The following DOCK1 variants were observed in gnomAD, a reference collection of about 807,000 sequenced individuals.
DOCK1 encodes dedicator of cytokinesis 1, also known as dedicator of cytokinesis protein 1.
A neutral mutation model predicts 262.7 loss-of-function variants in DOCK1; 138 were observed. The observed-to-expected ratio is 0.53, with a 90% CI of 0.46 to 0.61. The LOEUF (loss-of-function observed/expected upper bound fraction) is 0.61, where lower values mean the gene tolerates loss of function less well. Ranked by LOEUF, DOCK1 falls within the 20% of genes least tolerant of loss-of-function variation. The probability of loss-of-function intolerance (pLI) is 0.00; values close to 1 mark genes in which losing one functional copy is unlikely to be tolerated. For missense variants in DOCK1, 1,908 were observed against 2,370.7 expected (o/e 0.80, Z 4.05); for synonymous variants, 866 against 867.4 (o/e 1.00, Z 0.03).
chr10:127,216,760 T>C (rs531934470), intron 27 of DOCK1, among the ~76,000 whole-genome samples: 1 of 152,334 alleles, frequency 6.6e-6, no homozygotes, highest in East Asian at 1.9e-4. Flanking sequence ...CCTTGTCTCA[T>C]GACTTTTCAA....
chr10:127,071,705 A>C (rs1266193368), intron 23 of DOCK1, among the ~76,000 whole-genome samples: 1 of 152,214 alleles, frequency 6.6e-6, no homozygotes, highest in Non-Finnish European at 1.5e-5. Flanking sequence ...TTGCTTAATC[A>C]AATGATTTTT....
At chr10:127,351,032 A>G (rs560523978) in intron 31 of DOCK1, among the ~76,000 whole-genome samples, 1 of 152,278 alleles carries the variant, frequency 6.6e-6, no homozygotes, top group East Asian at 1.9e-4. Context: ...GCTTAGATTC[A>G]GGCTCAGGCT....
chr10:127,180,681 A>G lies in DOCK1; in HGVS notation c.2847+52917A>G, dbSNP rs2055640572. On this transcript the variant is annotated intron_variant, in intron 27 of 51. Transcript: ENST00000623213. The stretch of plus-strand genomic sequence containing the variant: ...TATGAAAATGTGCATTCCAACTTAA[A>G]TAAGTGAAAAATGGAAGCAACTTAA... Among the ~76,000 whole-genome samples, 8 of 152,250 alleles carry G rather than the reference A, an allele frequency of 5.3e-5. No homozygotes were observed. In the South Asian group the frequency reaches 1.4e-3, roughly 28 times the overall value.
intron 1 of DOCK1, among the ~76,000 whole-genome samples, chr10:126,949,295 A>C (rs1417138155): frequency 3.3e-5 from 5 of 152,068 alleles, no homozygotes; most frequent in African/African-American, 4.8e-5. Flanking sequence ...ACAGCCCCTA[A>C]GCTGTCTAGT....
rs183490784 is a variant in DOCK1 at position 127,382,547 on chromosome 10, G to A, written c.3807+1179G>A. On this transcript the variant is annotated intron_variant, in intron 37 of 51. Transcript: ENST00000623213. ...GAGGACCCATTTTGCCCCGTGCCAC[G>A]TGGGCTCTCCCAAGGAGCATAATTT... Among the ~76,000 whole-genome samples the A allele has an allele frequency of 1.6e-4, 24 of 152,262 alleles. 2 individuals carry two copies. Among genetic ancestry groups the A allele is most frequent in the Admixed American group, 1.1e-3 (17 of 15,300 alleles).
intron 4 of DOCK1, among the ~76,000 whole-genome samples, chr10:126,983,760 G>A (rs912800317): frequency 6.6e-6 from 1 of 152,052 alleles, no homozygotes; most frequent in Non-Finnish European, 1.5e-5. Flanking sequence ...CTCTCTGGAC[G>A]CTGACTTCAT....
Position 127,115,822 on chromosome 10 carries a change from G to A in DOCK1, c.2623+5468G>A, listed in dbSNP as rs377200175. On this transcript the variant is annotated intron_variant, in intron 25 of 51. Transcript: ENST00000623213. The stretch of plus-strand genomic sequence containing the variant: ...TTCTCTCACCCACTGGCCCCTTTCT[G>A]AATCTGACAGCTTTGGGAAGCTTGT... Among the ~76,000 whole-genome samples, 8 of 152,328 alleles carry A rather than the reference G, an allele frequency of 5.3e-5. No individual in the cohort carries two copies. In the East Asian group the frequency reaches 9.6e-4, roughly 18 times the overall value.
intron 10 of DOCK1, among the ~76,000 whole-genome samples, chr10:127,006,644 C>G (rs544041346): frequency 9.2e-5 from 14 of 152,202 alleles, no homozygotes; most frequent in Non-Finnish European, 1.8e-4. Context: ...GCCTTCTCCT[C>G]GAGGCTCAGG....
intron 27 of DOCK1, among the ~76,000 whole-genome samples, chr10:127,242,379 G>A (rs370209101): frequency 1.3e-5 from 2 of 152,066 alleles, no homozygotes; most frequent in East Asian, 1.9e-4. Context: ...TTTTCTCACA[G>A]AAAATACCAC....
intron 29 of DOCK1, among the ~76,000 whole-genome samples, chr10:127,262,526 T>C (rs1011454877): frequency 3.3e-5 from 5 of 152,146 alleles, no homozygotes; most frequent in Non-Finnish European, 7.3e-5. Flanking sequence ...ATGCTGCCCT[T>C]TGTGTTGAAT....
At chr10:127,194,639 AC>A (rs2056972251) in intron 27 of DOCK1, among the ~76,000 whole-genome samples, 1 of 152,148 alleles carries the variant, frequency 6.6e-6, no homozygotes, top group South Asian at 2.1e-4. Context: ...TTCATCAAGT[AC>A]CCAGCCAGCG....
chr10:127,246,358 C>T (rs983381139), intron 27 of DOCK1, among the ~76,000 whole-genome samples: 19 of 152,116 alleles, frequency 1.2e-4, no homozygotes, highest in African/African-American at 1.9e-4. Flanking sequence ...TGAAAGAGGT[C>T]GTATTCTATT....
In DOCK1 at chr10:127,451,465, C is replaced by T; in HGVS notation, c.*38C>T. 4 of 1,553,026 alleles carry T rather than the reference C, an allele frequency of 2.6e-6. No homozygotes were observed. The highest frequency in any genetic ancestry group is 3.5e-6 in the Non-Finnish European group (4 of 1,148,536). ...CTCTGGAAAGAGTGTGCTGCCCCTC[C>T]CCATCTCCATGCCCTCTCCTTCTGT... On this transcript the variant is annotated 3_prime_UTR_variant, in exon 52 of 52. Transcript: ENST00000623213.
chr10:127,280,475 A>G (rs975262632), intron 29 of DOCK1, among the ~76,000 whole-genome samples: 1 of 152,106 alleles, frequency 6.6e-6, no homozygotes, highest in African/African-American at 2.4e-5. Flanking sequence ...CATTCACCTC[A>G]TCTTGCATTC....
intron 29 of DOCK1, among the ~76,000 whole-genome samples, chr10:127,278,461 G>T (rs920023175): frequency 6.6e-6 from 1 of 152,140 alleles, no homozygotes; most frequent in African/African-American, 2.4e-5. Context: ...GGACCAGAAG[G>T]TTTTGTTCTC....
At chr10:127,188,159 C>G (rs965721073) in intron 27 of DOCK1, among the ~76,000 whole-genome samples, 1 of 152,146 alleles carries the variant, frequency 6.6e-6, no homozygotes, top group African/African-American at 2.4e-5. Flanking sequence ...ACCAGCAGAT[C>G]CCACACAGGC....
chr10:127,261,120 T>G (rs1288714972), intron 29 of DOCK1, among the ~76,000 whole-genome samples: 2 of 141,504 alleles, frequency 1.4e-5, no homozygotes, highest in African/African-American at 5.6e-5. Context: ...TGTGTGCATG[T>G]GTGTGTGCCT....
At chr10:127,219,963 G>A (rs1401578745) in intron 27 of DOCK1, among the ~76,000 whole-genome samples, 1 of 152,096 alleles carries the variant, frequency 6.6e-6, no homozygotes, top group Non-Finnish European at 1.5e-5. Context: ...CTTACAGATT[G>A]AGAATCTACA....
chr10:127,243,116 C>T (rs561078636), intron 27 of DOCK1, among the ~76,000 whole-genome samples: 14 of 152,286 alleles, frequency 9.2e-5, no homozygotes, highest in Admixed American at 3.3e-4. Context: ...ATGAAATTAC[C>T]AGGAGCAATT....
Sources: allele counts gnomAD v4.1 joint callset (sites outside exome capture counted in the v4.1 genomes callset), GRCh38; gene constraint gnomAD v4.1.1; transcripts MANE v1.5; gene names NCBI Gene and HGNC (gene_info 2026-07-23, HGNC 2026-07-21).